Variants in UBE2K observed in about 807,000 individuals in gnomAD.
UBE2K encodes the protein ubiquitin conjugating enzyme E2 K.
UBE2K carries 6 observed loss-of-function variants against 30.0 expected under a neutral mutation model. The ratio of observed to expected loss-of-function variants is 0.20; its 90% CI spans 0.11 to 0.39. The LOEUF is 0.39. Ranked by LOEUF, UBE2K falls within the 10% of genes least tolerant of loss-of-function variation. The pLI, the probability that UBE2K is intolerant of heterozygous loss-of-function variation, is 1.00. For synonymous variants in UBE2K, 86 were observed against 83.7 expected (o/e 1.03, Z -0.15); for missense variants, 61 against 241.6 (o/e 0.25, Z 4.96).
chr4:39,771,478 T>G, intron 4 of UBE2K: 2 of 1,473,038 alleles, frequency 1.4e-6, no homozygotes, highest in Non-Finnish European at 1.8e-6. Flanking sequence ...CCGCGCGCTG[T>G]TTTTTTTTAA....
At chr4:39,707,537 CTT>C (rs35461119) in intron 1 of UBE2K, among the ~76,000 whole-genome samples, 21 of 139,846 alleles carry the variant, frequency 1.5e-4, no homozygotes, top group Non-Finnish European at 2.0e-4. Context: ...AGCTAGGTGC[CTT>C]TTTTTTTTTT....
intron 4 of UBE2K, among the ~76,000 whole-genome samples, chr4:39,774,192 T>C (rs1300185056): frequency 6.6e-6 from 1 of 151,874 alleles, no homozygotes; most frequent in Non-Finnish European, 1.5e-5. Context: ...TAGTCCCAGC[T>C]ACTCGTGAGG....
intron 1 of UBE2K, among the ~76,000 whole-genome samples, chr4:39,716,922 C>T (rs932207551): frequency 2.2e-5 from 3 of 138,328 alleles, no homozygotes; most frequent in East Asian, 2.3e-4. Context: ...CACTTGAACC[C>T]GGGAGGCGGA....
chr4:39,756,321 A>G (rs992269687), intron 4 of UBE2K, among the ~76,000 whole-genome samples: 1 of 152,258 alleles, frequency 6.6e-6, no homozygotes, highest in African/African-American at 2.4e-5. Flanking sequence ...CTGCATGGTT[A>G]TGAGCAAATT....
At chr4:39,771,425 C>T (rs1712825139) in intron 4 of UBE2K, 3 of 1,600,596 alleles carry the variant, frequency 1.9e-6, no homozygotes, top group Non-Finnish European at 2.6e-6. Context: ...AGGACTTCAC[C>T]CCAGAGGCCA....
At chr4:39,769,925 GA>G (rs1308122634) in intron 4 of UBE2K, among the ~76,000 whole-genome samples, 2 of 151,970 alleles carry the variant, frequency 1.3e-5, no homozygotes, top group African/African-American at 4.8e-5. Context: ...TCTCTCCAAG[GA>G]ATCATCTTCC....
intron 3 of UBE2K, among the ~76,000 whole-genome samples, chr4:39,750,479 G>A (rs747698160): frequency 2.6e-5 from 4 of 152,128 alleles, no homozygotes; most frequent in Non-Finnish European, 5.9e-5. Context: ...TATTCATTGA[G>A]TGCTTCCCAA....
At chr4:39,765,149 C>T (rs533712746) in intron 4 of UBE2K, among the ~76,000 whole-genome samples, 12 of 152,048 alleles carry the variant, frequency 7.9e-5, no homozygotes, top group African/African-American at 2.4e-4. Flanking sequence ...CCTCCCAAAG[C>T]GCTAGGATTA....
At chr4:39,732,361 A>G (rs1209849686) in intron 1 of UBE2K, among the ~76,000 whole-genome samples, 1 of 152,218 alleles carries the variant, frequency 6.6e-6, no homozygotes, top group East Asian at 1.9e-4. Context: ...TCCCACTAGA[A>G]TGTAAGCTCC....
In UBE2K at chr4:39,740,987, A is replaced by T. The variant is rs1039239583; in HGVS notation, c.157+3474A>T. On this transcript the variant is annotated intron_variant, in intron 2 of 6. Transcript: ENST00000261427. ...AGTTTGGTCATTTAAAAGTGCTTAT[A>T]TCTGCCTGGGCGGGGTGGCTGATGC... 4.0e-5 allele frequency among the ~76,000 whole-genome samples: 6 copies of T among 149,608 alleles called. No individual in the cohort carries two copies. The East Asian group carries it at 1.2e-3, about 30-fold the overall frequency.
At chr4:39,750,719 TC>T (rs374857066) in intron 3 of UBE2K, among the ~76,000 whole-genome samples, 3 of 95,368 alleles carry the variant, frequency 3.1e-5, no homozygotes, top group African/African-American at 4.5e-5. Context: ...AAGATTAAAT[TC>T]TTTTTTTTTT....
chr4:39,717,011 A>AG, intron 1 of UBE2K, among the ~76,000 whole-genome samples: 1 of 150,484 alleles, frequency 6.6e-6, no homozygotes, highest in Non-Finnish European at 1.5e-5. Context: ...AAAAAAAAAA[A>AG]AAAAAAAGCC....
Position 39,782,624 on chromosome 4 carries a change from G to T in UBE2K, c.*4190G>T, listed in dbSNP as rs1713679316. The T allele has an allele frequency of 6.6e-6, 1 of 152,170 alleles. No individual in the cohort carries two copies. The highest frequency in any genetic ancestry group is 2.4e-5 in the African/African-American group (1 of 41,430). The allele number at this position is 152,170 out of a possible 1,614,324, so 9.4% of individuals were successfully genotyped here. On this transcript the variant is annotated 3_prime_UTR_variant, in exon 7 of 7. Coordinates refer to ENST00000261427, the MANE Select transcript of UBE2K (RefSeq NM_005339.5). ...ACCAGAAATACCATTGAAGCAGGGT[G>T]GGCTGTGGGGTGGAAGGTTGGGGTA...
chr4:39,747,059 G>A (rs1291381636), intron 3 of UBE2K, among the ~76,000 whole-genome samples: 1 of 152,156 alleles, frequency 6.6e-6, no homozygotes, highest in Non-Finnish European at 1.5e-5. Context: ...CCTATTGGTT[G>A]TTCCAGTTTA....
At chr4:39,709,102 T>A (rs1257789657) in intron 1 of UBE2K, among the ~76,000 whole-genome samples, 1 of 151,990 alleles carries the variant, frequency 6.6e-6, no homozygotes, top group Non-Finnish European at 1.5e-5. Flanking sequence ...GCTCTGTATC[T>A]CGATTTTTTT....
At chr4:39,768,167 G>A (rs573734667) in intron 4 of UBE2K, among the ~76,000 whole-genome samples, 3 of 151,748 alleles carry the variant, frequency 2.0e-5, no homozygotes, top group East Asian at 1.9e-4. Flanking sequence ...GGGCCATTGC[G>A]GTGTCTTACA....
At chr4:39,763,970 G>A (rs1204565281) in intron 4 of UBE2K, among the ~76,000 whole-genome samples, 1 of 151,926 alleles carries the variant, frequency 6.6e-6, no homozygotes, top group Non-Finnish European at 1.5e-5. Flanking sequence ...GGGCTCAAGC[G>A]ATCTACCTGC....
intron 2 of UBE2K, among the ~76,000 whole-genome samples, chr4:39,742,350 C>A (rs908031117): frequency 6.7e-6 from 1 of 150,350 alleles, no homozygotes; most frequent in South Asian, 2.1e-4. Flanking sequence ...TTTTTTCTTT[C>A]CACTACTTTT....
At chr4:39,747,936 G>T (rs1229004598) in intron 3 of UBE2K, among the ~76,000 whole-genome samples, 1 of 151,922 alleles carries the variant, frequency 6.6e-6, no homozygotes, top group Non-Finnish European at 1.5e-5. Context: ...TGAGTAGCTG[G>T]GATTACAGGC....
Sources: allele counts gnomAD v4.1 joint callset (sites outside exome capture counted in the v4.1 genomes callset), GRCh38; gene constraint gnomAD v4.1.1; transcripts MANE v1.5; gene names NCBI Gene and HGNC (gene_info 2026-07-23, HGNC 2026-07-21).